SNX29: variants seen among roughly 807,000 people sequenced by gnomAD.
The protein encoded by SNX29 is sorting nexin 29, also known as sorting nexin-29.
Under a neutral mutation model 102.1 loss-of-function variants are expected in SNX29, and 78 were observed. The ratio of observed to expected loss-of-function variants is 0.76; its 90% CI spans 0.64 to 0.92. The LOEUF is 0.92. Ranked by LOEUF, SNX29 falls within the 40% of genes least tolerant of loss-of-function variation. The pLI, the probability that SNX29 is intolerant of heterozygous loss-of-function variation, is 0.00. For missense variants in SNX29, 1,280 were observed against 1,061.7 expected (o/e 1.21, Z -2.86); for synonymous variants, 580 against 414.5 (o/e 1.40, Z -4.85).
intron 14 of SNX29, among the ~76,000 whole-genome samples, chr16:12,276,564 C>A (rs577831669): frequency 6.6e-6 from 1 of 152,292 alleles, no homozygotes; most frequent in African/African-American, 2.4e-5. Flanking sequence ...CTCACTGCCC[C>A]TCCATACAGC....
chr16:12,407,870 C>G (rs1412145399), intron 18 of SNX29, among the ~76,000 whole-genome samples: 1 of 152,188 alleles, frequency 6.6e-6, no homozygotes, highest in Non-Finnish European at 1.5e-5. Flanking sequence ...GTCCCAGCAG[C>G]TCCAGAGGCT....
chr16:12,494,107 C>T lies in SNX29; in HGVS notation c.2178+16248C>T, dbSNP rs566429726. Among the ~76,000 whole-genome samples, 101 of 152,236 alleles carry T rather than the reference C, an allele frequency of 6.6e-4. No individual in the cohort carries two copies. In the Middle Eastern group the frequency reaches 0.014, roughly 21 times the overall value. On this transcript the variant is annotated intron_variant, in intron 19 of 20. Transcript: ENST00000566228. ...CAAAGATAGAGCTCCCAGTGCTATG[C>T]GAGGCTCAGGTGGGAAGATCCCTTG...
At chr16:12,371,084 G>A (rs543837592) in intron 16 of SNX29, among the ~76,000 whole-genome samples, 1 of 152,304 alleles carries the variant, frequency 6.6e-6, no homozygotes, top group East Asian at 1.9e-4. Flanking sequence ...GAGTTCAGAT[G>A]GTGTTCTCCC....
At chr16:12,493,701 C>T (rs2088666450) in intron 19 of SNX29, among the ~76,000 whole-genome samples, 1 of 152,184 alleles carries the variant, frequency 6.6e-6, no homozygotes, top group Non-Finnish European at 1.5e-5. Context: ...AAATGATTGT[C>T]CTGCCTCAGC....
chr16:12,220,615 C>T (rs1193646421), intron 14 of SNX29, among the ~76,000 whole-genome samples: 5 of 152,208 alleles, frequency 3.3e-5, no homozygotes, highest in African/African-American at 1.2e-4. Flanking sequence ...TTTCTGTGCA[C>T]ATCAGAGACT....
intron 15 of SNX29, among the ~76,000 whole-genome samples, chr16:12,315,263 A>G (rs1174769982): frequency 6.6e-6 from 1 of 152,164 alleles, no homozygotes; most frequent in Non-Finnish European, 1.5e-5. Context: ...TGATATGTCA[A>G]ACAGTAGGGG....
intron 15 of SNX29, among the ~76,000 whole-genome samples, chr16:12,307,686 G>A (rs763762084): frequency 2.0e-5 from 3 of 152,228 alleles, no homozygotes; most frequent in South Asian, 2.1e-4. Context: ...CTGGAATGGC[G>A]TGGAGAATCT....
intron 11 of SNX29, among the ~76,000 whole-genome samples, chr16:12,093,202 A>G (rs1459056045): frequency 6.6e-6 from 1 of 152,210 alleles, no homozygotes; most frequent in Non-Finnish European, 1.5e-5. Context: ...TCCTTTCTGC[A>G]CTTTACACAT....
intron 19 of SNX29, among the ~76,000 whole-genome samples, chr16:12,503,260 G>A (rs1009322372): frequency 3.3e-5 from 5 of 152,150 alleles, no homozygotes; most frequent in African/African-American, 1.2e-4. Context: ...AGCAGGTGCT[G>A]GATAAATAAT....
At chr16:12,068,906 C>T in intron 9 of SNX29, 151 bp from the exon 10 acceptor site, 2 of 648,814 alleles carry the variant, frequency 3.1e-6, no homozygotes, top group Non-Finnish European at 5.4e-6. Context: ...CAGGAAACAG[C>T]TGATTAAAAT....
intron 16 of SNX29, among the ~76,000 whole-genome samples, chr16:12,376,270 G>C (rs954318577): frequency 6.6e-6 from 1 of 152,142 alleles, no homozygotes; most frequent in African/African-American, 2.4e-5. Flanking sequence ...CCCCGGGAGC[G>C]AGTTGTCACA....
intron 16 of SNX29, among the ~76,000 whole-genome samples, chr16:12,365,288 C>T (rs991825446): frequency 1.3e-5 from 2 of 149,766 alleles, no homozygotes; most frequent in Non-Finnish European, 1.5e-5. Flanking sequence ...TGAATCTCTC[C>T]CTTTCTTATC....
intron 20 of SNX29, among the ~76,000 whole-genome samples, chr16:12,555,553 T>A (rs12935633): frequency 6.6e-6 from 1 of 150,700 alleles, no homozygotes; most frequent in Non-Finnish European, 1.5e-5. Flanking sequence ...TACCGTGGGT[T>A]TGAGCACCCT....
chr16:12,519,270 C>T (rs1292308482), intron 19 of SNX29, among the ~76,000 whole-genome samples: 1 of 152,186 alleles, frequency 6.6e-6, no homozygotes, highest in Non-Finnish European at 1.5e-5. Flanking sequence ...AATGGTGGCA[C>T]CATGTCCCCC....
chr16:12,278,006 C>G lies in SNX29; in HGVS notation c.1752C>G (p.Leu584=). 2 of 1,605,576 alleles carry G rather than the reference C, an allele frequency of 1.2e-6. No homozygotes were observed. Among genetic ancestry groups the G allele is most frequent in the Non-Finnish European group, 8.5e-7 (1 of 1,175,956 alleles). Residue 584 remains leucine (L), a synonymous_variant, in exon 15 of 21, where the codon CTC becomes CTG. Transcript: ENST00000566228. ...EQKPGEIAEE[L]ASSYERKLIE... is the part of the protein sequence containing the mutation. ...AGCCGGGAGAAATTGCTGAAGAACT[C>G]GCAAGCTCCTACGAAAGAAAGCTCA...
intron 19 of SNX29, among the ~76,000 whole-genome samples, chr16:12,488,818 G>A (rs921983002): frequency 3.9e-5 from 6 of 152,184 alleles, no homozygotes; most frequent in African/African-American, 1.4e-4. Context: ...CACTTCTGGG[G>A]TCTGGTGTTC....
At chr16:12,541,365 C>G (rs756683589) in intron 20 of SNX29, among the ~76,000 whole-genome samples, 3 of 152,102 alleles carry the variant, frequency 2.0e-5, no homozygotes, top group South Asian at 2.1e-4. Flanking sequence ...ACAGAATTCC[C>G]TATGAGGGCA....
chr16:12,225,014 C>G (rs2077573858), intron 14 of SNX29, among the ~76,000 whole-genome samples: 1 of 152,182 alleles, frequency 6.6e-6, no homozygotes, highest in Non-Finnish European at 1.5e-5. Context: ...ACCTTGCAAA[C>G]CAGCCTGTGG....
At chr16:12,456,968 TGA>T (rs1274539219) in intron 18 of SNX29, among the ~76,000 whole-genome samples, 1 of 152,142 alleles carries the variant, frequency 6.6e-6, no homozygotes, top group East Asian at 1.9e-4. Flanking sequence ...AAGCAGTGTT[TGA>T]GTTGCATTGA....
Sources: gnomAD v4.1 joint callset for allele counts (sites outside exome capture counted in the v4.1 genomes callset) on GRCh38, gnomAD v4.1.1 for gene constraint, MANE v1.5 for transcripts, NCBI Gene and HGNC (gene_info 2026-07-23, HGNC 2026-07-21) for gene names.